The following NEGR1 variants were observed in gnomAD, a reference collection of about 807,000 sequenced individuals.
NEGR1 encodes IgLON family member 4.
In NEGR1, 10 loss-of-function variants were observed where a neutral mutation model predicts 40.9. The observed-to-expected ratio is 0.24, with a 90% CI of 0.15 to 0.42. The LOEUF (loss-of-function observed/expected upper bound fraction) is 0.42, where lower values mean the gene tolerates loss of function less well. Among genes scored for constraint, NEGR1 ranks in the 10% least tolerant of loss-of-function variants. The pLI is 1.00. For missense variants in NEGR1, 352 were observed against 438.9 expected, an observed-to-expected ratio of 0.80 and a Z score of 1.77; for synonymous variants, 185 against 166.8, an observed-to-expected ratio of 1.11 and a Z score of -0.84.
chr1:71,746,923 A>C (rs1056026079), intron 3 of NEGR1, among the ~76,000 whole-genome samples: 1 of 152,234 alleles, frequency 6.6e-6, no homozygotes, highest in African/African-American at 2.4e-5. Context: ...CAAAAATGGA[A>C]TATTGGCTGT....
At chr1:71,835,706 G>T (rs192934816) in intron 2 of NEGR1, among the ~76,000 whole-genome samples, 122 of 152,070 alleles carry the variant, frequency 8.0e-4, no homozygotes, top group Non-Finnish European at 2.8e-4. Context: ...TGCAACCAAG[G>T]AAGGTATAGT....
intron 3 of NEGR1, among the ~76,000 whole-genome samples, chr1:71,766,335 A>G (rs900646443): frequency 3.3e-5 from 5 of 152,214 alleles, no homozygotes; most frequent in Non-Finnish European, 7.3e-5. Context: ...CAGGAGAAAA[A>G]GAACATAAAT....
At chr1:71,548,755 CT>C (rs1647982572) in intron 6 of NEGR1, among the ~76,000 whole-genome samples, 1 of 151,702 alleles carries the variant, frequency 6.6e-6, no homozygotes, top group South Asian at 2.1e-4. Context: ...GAGAAGGCGG[CT>C]TTAAGAGCCC....
At chr1:71,731,690 T>C (rs753607955) in intron 3 of NEGR1, among the ~76,000 whole-genome samples, 1 of 152,302 alleles carries the variant, frequency 6.6e-6, no homozygotes, top group Non-Finnish European at 1.5e-5. Context: ...AAAGTGATCA[T>C]TGCTATTACC....
chr1:71,559,857 G>A (rs2101478910), intron 6 of NEGR1, among the ~76,000 whole-genome samples: 1 of 150,788 alleles, frequency 6.6e-6, no homozygotes, highest in Non-Finnish European at 1.5e-5. Context: ...AAATCTTCAG[G>A]AATTCCAAAT....
At chr1:71,789,054 T>C (rs757656251) in intron 2 of NEGR1, among the ~76,000 whole-genome samples, 2 of 152,108 alleles carry the variant, frequency 1.3e-5, no homozygotes, top group Non-Finnish European at 2.9e-5. Context: ...GCAAAGGCGA[T>C]ACCAAGATAT....
chr1:71,562,019 A>G (rs147196079), intron 6 of NEGR1, among the ~76,000 whole-genome samples: 2 of 148,118 alleles, frequency 1.4e-5, no homozygotes, highest in East Asian at 4.0e-4. Flanking sequence ...AATCTGTTCC[A>G]CTGGTGGTAT....
chr1:71,503,525 C>T (rs1647012169), intron 6 of NEGR1, among the ~76,000 whole-genome samples: 1 of 152,134 alleles, frequency 6.6e-6, no homozygotes, highest in Non-Finnish European at 1.5e-5. Context: ...TCTTTAAATT[C>T]TCGTCCAAAT....
At chr1:71,628,925 C>T (rs780183476) in intron 4 of NEGR1, among the ~76,000 whole-genome samples, 3 of 152,048 alleles carry the variant, frequency 2.0e-5, no homozygotes, top group Non-Finnish European at 2.9e-5. Context: ...TTTGGGTATA[C>T]ACCTAGCAAT....
chr1:71,429,528 C>A (rs1646451750), intron 6 of NEGR1, among the ~76,000 whole-genome samples: 1 of 152,146 alleles, frequency 6.6e-6, no homozygotes, highest in East Asian at 1.9e-4. Flanking sequence ...AGAGAGTCAT[C>A]CATCAGAGGC....
chr1:71,923,333 C>A (rs1382233434), intron 2 of NEGR1, among the ~76,000 whole-genome samples: 2 of 151,028 alleles, frequency 1.3e-5, no homozygotes, highest in African/African-American at 4.9e-5. Context: ...GAGGCCAGGG[C>A]ACCTTACACT....
intron 1 of NEGR1, among the ~76,000 whole-genome samples, chr1:72,281,453 G>C (rs1656245742): frequency 6.6e-6 from 1 of 152,104 alleles, no homozygotes; most frequent in Admixed American, 6.5e-5. Flanking sequence ...AGATTTATGA[G>C]GGTGAGTAAA....
intron 1 of NEGR1, among the ~76,000 whole-genome samples, chr1:72,029,894 G>A (rs3128552): frequency 0.52 from 79,196 of 151,918 alleles, 21,624 homozygotes; most frequent in East Asian, 0.67. Context: ...TGGGAATTGA[G>A]GTAGGTTTAT....
intron 1 of NEGR1, among the ~76,000 whole-genome samples, chr1:71,969,923 G>A (rs1167003939): frequency 6.6e-6 from 1 of 152,152 alleles, no homozygotes; most frequent in East Asian, 1.9e-4. Context: ...ATATTTGAGT[G>A]TCAGTCACTA....
At chr1:71,928,713 T>C (rs1645825488) in intron 2 of NEGR1, among the ~76,000 whole-genome samples, 2 of 151,932 alleles carry the variant, frequency 1.3e-5, no homozygotes, top group Non-Finnish European at 2.9e-5. Context: ...TTCAGATCAA[T>C]AGAAATAGAA....
chr1:72,254,260 T>C (rs575500536), intron 1 of NEGR1, among the ~76,000 whole-genome samples: 3 of 152,326 alleles, frequency 2.0e-5, no homozygotes, highest in East Asian at 1.9e-4. Context: ...GAACTGTATG[T>C]ATTTAGAAGA....
intron 3 of NEGR1, among the ~76,000 whole-genome samples, chr1:71,748,124 T>G (rs1349681840): frequency 6.6e-6 from 1 of 152,196 alleles, no homozygotes; most frequent in Admixed American, 6.5e-5. Flanking sequence ...AGACATTAAA[T>G]ACTCTGCTCA....
At chr1:72,055,779 CTATAA>C (rs1647104212) in intron 1 of NEGR1, among the ~76,000 whole-genome samples, 2 of 146,540 alleles carry the variant, frequency 1.4e-5, no homozygotes, top group Admixed American at 6.9e-5. Flanking sequence ...TGTATGTAAT[CTATAA>C]TATATTATAT....
At chr1:71,918,207 A>G (rs1224179731) in intron 2 of NEGR1, among the ~76,000 whole-genome samples, 3 of 119,402 alleles carry the variant, frequency 2.5e-5, no homozygotes, top group Non-Finnish European at 5.0e-5. Context: ...ACAGAACGAG[A>G]CTCTGTCTCA....
Sources: gnomAD v4.1 joint callset for allele counts (sites outside exome capture counted in the v4.1 genomes callset) on GRCh38, gnomAD v4.1.1 for gene constraint, MANE v1.5 for transcripts, NCBI Gene and HGNC (gene_info 2026-07-23, HGNC 2026-07-21) for gene names.